The following DHRS7C variants were observed in gnomAD, a reference collection of about 807,000 sequenced individuals.
DHRS7C encodes the protein dehydrogenase/reductase 7C, also known as dehydrogenase/reductase SDR family member 7C.
A neutral mutation model predicts 29.6 loss-of-function variants in DHRS7C; 28 were observed. The observed-to-expected ratio is 0.95, with a 90% CI of 0.70 to 1.30. The LOEUF is 1.30. Ranked by LOEUF, DHRS7C falls within the 50% of genes most tolerant of loss-of-function variation. DHRS7C has a pLI of 0.00. For missense variants in DHRS7C, 403 were observed against 393.3 expected (o/e 1.02, Z -0.21); for synonymous variants, 158 against 160.2 (o/e 0.99, Z 0.10).
chr17:9,773,834 C>T (rs1316919722), intron 4 of DHRS7C, among the ~76,000 whole-genome samples: 1 of 147,556 alleles, frequency 6.8e-6, no homozygotes, highest in Non-Finnish European at 1.5e-5. Context: ...AAGCAGTTCT[C>T]CTGCCTCAGC....
At chr17:9,783,366 G>A (rs1026872680) in intron 1 of DHRS7C, among the ~76,000 whole-genome samples, 1 of 152,164 alleles carries the variant, frequency 6.6e-6, no homozygotes, top group Non-Finnish European at 1.5e-5. Flanking sequence ...CAATAAAGAT[G>A]TCAATTTGTC....
intron 1 of DHRS7C, among the ~76,000 whole-genome samples, chr17:9,786,815 G>A (rs1222624862): frequency 1.3e-5 from 2 of 152,142 alleles, no homozygotes; most frequent in African/African-American, 2.4e-5. Flanking sequence ...TGAACCCCAG[G>A]AGTCTGACAT....
At chr17:9,784,127 T>G (rs1415747584) in intron 1 of DHRS7C, among the ~76,000 whole-genome samples, 2 of 151,750 alleles carry the variant, frequency 1.3e-5, no homozygotes, top group African/African-American at 4.8e-5. Flanking sequence ...GAGCATCCAT[T>G]GAAAGAAAAA....
intron 3 of DHRS7C, among the ~76,000 whole-genome samples, chr17:9,779,525 C>T (rs763033342): frequency 5.9e-5 from 9 of 152,028 alleles, no homozygotes; most frequent in Non-Finnish European, 7.4e-5. Context: ...TTTTCAGAGA[C>T]GTCGAATTGG....
chr17:9,773,371 T>A (rs1286985224), intron 4 of DHRS7C, among the ~76,000 whole-genome samples: 1 of 152,142 alleles, frequency 6.6e-6, no homozygotes, highest in Non-Finnish European at 1.5e-5. Context: ...GAATCACAGA[T>A]ATCCCCTCTC....
intron 1 of DHRS7C, among the ~76,000 whole-genome samples, chr17:9,785,920 G>A (rs547932811): frequency 7.9e-5 from 12 of 152,202 alleles, no homozygotes; most frequent in African/African-American, 1.9e-4. Context: ...AAGAAAGTTC[G>A]AATTCAATGA....
In DHRS7C at chr17:9,779,877, G is replaced by T; in HGVS notation, c.426C>A (p.Leu142=). The T allele has an allele frequency of 6.2e-7, 1 of 1,613,648 alleles. No individual in the cohort carries two copies. Among genetic ancestry groups the T allele is most frequent in the South Asian group, 1.1e-5 (1 of 91,008 alleles). ...KGPAHKISLE[L]DKKIMDANYF... Reference sequence around the variant, plus strand: ...AATTGGCATCCATGATCTTTTTGTCGAGCTCCAGAGAAATCTTATGGGCAG... The same window carrying T: ...AATTGGCATCCATGATCTTTTTGTCTAGCTCCAGAGAAATCTTATGGGCAG... The change falls in exon 3 of 6, where the codon CTC becomes CTA. Residue 142 remains leucine, a synonymous_variant. Coordinates refer to ENST00000571134, the MANE Select transcript of DHRS7C (RefSeq NM_001105571.3).
At chr17:9,783,888 T>C (rs11656483) in intron 1 of DHRS7C, among the ~76,000 whole-genome samples, 22,245 of 151,602 alleles carry the variant, frequency 0.15, 1,794 homozygotes, top group Non-Finnish European at 0.19. Flanking sequence ...CTGCAGTAAA[T>C]TGAGATCATG....
At chr17:9,772,545 G>C (rs905161271) in intron 5 of DHRS7C, among the ~76,000 whole-genome samples, 1 of 152,188 alleles carries the variant, frequency 6.6e-6, no homozygotes, top group Admixed American at 6.5e-5. Flanking sequence ...TGAGCTTAGC[G>C]GGCGCATGGG....
At chr17:9,784,176 A>G (rs1193684753) in intron 1 of DHRS7C, among the ~76,000 whole-genome samples, 1 of 151,884 alleles carries the variant, frequency 6.6e-6, no homozygotes, top group African/African-American at 2.4e-5. Context: ...TTACCCTTTT[A>G]AAAAAAACCT....
intron 1 of DHRS7C, among the ~76,000 whole-genome samples, chr17:9,787,411 G>A (rs2066430185): frequency 6.6e-6 from 1 of 152,030 alleles, no homozygotes; most frequent in Admixed American, 6.6e-5. Context: ...AGGTGTGCCT[G>A]GGAGGCTGGA....
At chr17:9,788,882 T>G (rs2066439190) in intron 1 of DHRS7C, among the ~76,000 whole-genome samples, 1 of 152,172 alleles carries the variant, frequency 6.6e-6, no homozygotes, top group Non-Finnish European at 1.5e-5. Flanking sequence ...CTTTATTTTT[T>G]TCTTCTTTGC....
chr17:9,781,600 G>T lies in DHRS7C; in HGVS notation c.155-6C>A. On this transcript the variant is annotated splice_polypyrimidine_tract_variant and splice_region_variant and intron_variant, in intron 1 of 5. Coordinates refer to ENST00000571134, the MANE Select transcript of DHRS7C (RefSeq NM_001105571.3). ...GTGGAACACCCGAGCACACTCTGTGGGGAAGAAGGAAACAGGGCAGGGCAC... is the reference window on the plus strand; with the variant it reads ...GTGGAACACCCGAGCACACTCTGTGTGGAAGAAGGAAACAGGGCAGGGCAC... 3 of 1,613,406 alleles carry T rather than the reference G, an allele frequency of 1.9e-6. No homozygotes were observed. Among genetic ancestry groups the T allele is most frequent in the South Asian group, 1.1e-5 (1 of 91,062 alleles).
intron 2 of DHRS7C, among the ~76,000 whole-genome samples, 191 bp downstream of exon 2, chr17:9,781,291 T>C (rs1418928443): frequency 1.3e-5 from 2 of 152,342 alleles, no homozygotes; most frequent in Admixed American, 1.3e-4. Context: ...TTTGTCATGG[T>C]GGGTGGTCAA....
intron 2 of DHRS7C, among the ~76,000 whole-genome samples, chr17:9,780,381 AT>A (rs1456683869): frequency 6.6e-6 from 1 of 152,016 alleles, no homozygotes; most frequent in African/African-American, 2.4e-5. Context: ...TACTTTTAAC[AT>A]TTCTGAGCCC....
rs775648551 is a variant in DHRS7C at position 9,781,567 on chromosome 17, C to T, written c.182G>A (p.Gly61Glu). The part of the protein sequence containing the change: ...KECARVFHTG[G>E]ARLVLCGKNW... The stretch of plus-strand genomic sequence containing the variant: ...CTTTCCACACAGCACCAGCCTTGCC[C>T]CACCTGTGTGGAACACCCGAGCACA... The change falls in exon 2 of 6, where the codon GGG (glycine) becomes GAG (glutamate). Residue 61 changes from glycine (G) to glutamate (E), a missense_variant. Transcript: ENST00000571134. The T allele has an allele frequency of 3.2e-5, 52 of 1,613,816 alleles. No individual in the cohort carries two copies. The South Asian group carries it at 5.1e-4, about 16-fold the overall frequency.
Position 9,772,895 on chromosome 17 carries a change from C to A in DHRS7C, c.599G>T (p.Gly200Val). 1 of 1,613,852 alleles carries A rather than the reference C, an allele frequency of 6.2e-7. No individual in the cohort carries two copies. Among genetic ancestry groups the A allele is most frequent in the African/African-American group, 1.3e-5 (1 of 75,002 alleles). The change falls in exon 5 of 6, where the codon GGC (glycine) becomes GTC (valine). Residue 200 changes from glycine to valine, a missense_variant. Transcript: ENST00000571134. ...TTCGGCTCGGAGGCAGTCAAAGAAG[C>A]CCAGGGCTGCGTGCTTGGAGGCAGC... ...TYAASKHAAL[G>V]FFDCLRAEVE...
chr17:9,777,131 C>G, intron 4 of DHRS7C, 62 bp downstream of exon 4: 1 of 1,419,718 alleles, frequency 7.0e-7, no homozygotes, highest in Non-Finnish European at 9.7e-7. Flanking sequence ...GACATAACAG[C>G]TCTTGCCTTA....
chr17:9,785,896 G>A (rs2066420373), intron 1 of DHRS7C, among the ~76,000 whole-genome samples: 1 of 152,150 alleles, frequency 6.6e-6, no homozygotes, highest in South Asian at 2.1e-4. Flanking sequence ...CTGTGGGGAG[G>A]AGCAGAGAGG....
Sources: allele counts gnomAD v4.1 joint callset (sites outside exome capture counted in the v4.1 genomes callset), GRCh38; gene constraint gnomAD v4.1.1; transcripts MANE v1.5; gene names NCBI Gene and HGNC (gene_info 2026-07-23, HGNC 2026-07-21).